Variants in TPR observed in about 807,000 individuals in gnomAD.
TPR encodes the protein nucleoprotein TPR.
A neutral mutation model predicts 316.1 loss-of-function variants in TPR; 51 were observed. That is an observed-to-expected ratio of 0.16 (90% CI 0.13 to 0.20). TPR has a LOEUF of 0.20. Ranked by LOEUF, TPR falls within the 10% of genes least tolerant of loss-of-function variation. TPR has a pLI of 1.00. For synonymous variants in TPR, 981 were observed against 914.7 expected, an observed-to-expected ratio of 1.07 and a Z score of -1.31; for missense variants, 2,272 against 2,754.8, an observed-to-expected ratio of 0.82 and a Z score of 3.92.
intron 41 of TPR, 95 bp from the exon 42 acceptor site, chr1:186,325,949 CAAAT>C: frequency 6.4e-7 from 1 of 1,555,598 alleles, no homozygotes; most frequent in Non-Finnish European, 8.7e-7. Context: ...ACAACAAAAA[CAAAT>C]AAGTAACCAT....
At chr1:186,373,178 TTC>T (rs1659584888) in intron 2 of TPR, among the ~76,000 whole-genome samples, 179 bp downstream of exon 2, 1 of 152,240 alleles carries the variant, frequency 6.6e-6, no homozygotes, top group Non-Finnish European at 1.5e-5. Context: ...GACCATTAAA[TTC>T]TGTGTTCTCA....
rs1490789056 is a variant in TPR at position 186,350,299 on chromosome 1, T to A, written c.2700A>T (p.Glu900Asp). Residue 900 changes from glutamate (E) to aspartate (D), a missense_variant, in exon 21 of 51, where the codon GAA (glutamate) becomes GAT (aspartate). Glu to Asp is a conservative substitution (Grantham distance 45). Transcript: ENST00000367478. ...TGAGGTGCTGTTTCAATGTGGCAAT[T>A]TCTTTTTGAGCATTTTTTAATAGTT... ...TKELLKNAQK[E>D]IATLKQHLSN... is the part of the protein sequence containing the mutation. 6.2e-6 allele frequency: 10 copies of A among 1,613,756 alleles called. No homozygotes were observed. The highest frequency in any genetic ancestry group is 8.5e-6 in the Non-Finnish European group (10 of 1,179,912).
At chr1:186,332,877 G>C (rs1266917795) in intron 37 of TPR, among the ~76,000 whole-genome samples, 2 of 152,054 alleles carry the variant, frequency 1.3e-5, no homozygotes, top group East Asian at 3.8e-4. Flanking sequence ...ATTTAAAATA[G>C]TCATATTCAG....
chr1:186,361,507 A>G, intron 9 of TPR, 115 bp downstream of exon 9: 1 of 975,952 alleles, frequency 1.0e-6, no homozygotes, highest in Non-Finnish European at 1.5e-6. Context: ...TCTGTACCTA[A>G]TTCTGTCCCA....
rs1342319114 is a variant in TPR at position 186,312,350 on chromosome 1, C to T, written c.*1621G>A. 4.4e-6 allele frequency: 7 copies of T among 1,608,436 alleles called. No homozygotes were observed. Among genetic ancestry groups the T allele is most frequent in the Non-Finnish European group, 3.4e-6 (4 of 1,178,254 alleles). On this transcript the variant is annotated 3_prime_UTR_variant, in exon 51 of 51. Coordinates refer to ENST00000367478, the MANE Select transcript of TPR (RefSeq NM_003292.3). ...CCATCAGAATTCAATATTCACCTGC[C>T]AGACTGGCTTATCAAGACAAAGGTA... is the stretch of plus-strand genomic sequence containing the variant.
At position 186,353,746 on chromosome 1, in the gene TPR, A is replaced by C; in HGVS notation, c.2276T>G (p.Ile759Ser). The change falls in exon 18 of 51, where the codon ATT becomes AGT. Residue 759 changes from isoleucine to serine, a missense_variant. Transcript: ENST00000367478. ...CAAATCTTGAGTCATCGTATTGATA[A>C]TCTGTTCTTGCTTTTGAGTTGTGGC... Reference protein sequence around the residue: ...LTATTQKQEQIINTMTQDLRG... With the variant: ...LTATTQKQEQSINTMTQDLRG... The C allele has an allele frequency of 6.2e-7, 1 of 1,614,040 alleles. No individual in the cohort carries two copies. The highest frequency in any genetic ancestry group is 8.5e-7 in the Non-Finnish European group (1 of 1,179,992).
chr1:186,323,638 A>G, intron 43 of TPR, 48 bp downstream of exon 43: 1 of 1,407,144 alleles, frequency 7.1e-7, no homozygotes, highest in Non-Finnish European at 9.3e-7. Context: ...GAGAAAAGCC[A>G]AGATTTTTTT....
chr1:186,331,657 C>T, intron 38 of TPR, 76 bp from the exon 39 acceptor site: 2 of 962,868 alleles, frequency 2.1e-6, no homozygotes, highest in Non-Finnish European at 2.9e-6. Context: ...TTAGTTCTCT[C>T]ATTTGAAAAA....
intron 49 of TPR, 63 bp downstream of exon 49, chr1:186,317,419 C>T: frequency 8.2e-7 from 1 of 1,214,694 alleles, no homozygotes; most frequent in Non-Finnish European, 1.2e-6. Flanking sequence ...ACTAATAAAG[C>T]AGTGTTTTCA....
chr1:186,338,201 A>G lies in TPR; in HGVS notation c.4194T>C (p.Ser1398=). ...TTACTTTATTTAGATCTTCCTTCAG[A>G]CTCTGAATTAAGTTCTGGTTGTTAG... ...SLTNNQNLIQ[S]LKEDLNKVRT... is the part of the protein sequence containing the mutation. The change falls in exon 31 of 51, where the codon AGT becomes AGC. Residue 1398 remains serine (S), a synonymous_variant. Coordinates refer to ENST00000367478, the MANE Select transcript of TPR (RefSeq NM_003292.3). The G allele has an allele frequency of 6.2e-7, 1 of 1,612,572 alleles. No homozygotes were observed. Among genetic ancestry groups the G allele is most frequent in the Non-Finnish European group, 8.5e-7 (1 of 1,179,450 alleles).
rs1658816854 is a variant in TPR, at chr1:186,350,143, C to G, written c.2776+80G>C. 2.4e-6 allele frequency: 3 copies of G among 1,261,270 alleles called. 1 individual carries two copies. Among genetic ancestry groups the G allele is most frequent in the South Asian group, 3.5e-5 (2 of 56,848 alleles). The allele number at this position is 1,261,270 out of a possible 1,614,324, so 78.1% of individuals were successfully genotyped here. ...TTACTAGCATTCACAAAGAATTAGGCTATTTACTGACAGGATATATTATAA... is the reference window on the plus strand; with the variant it reads ...TTACTAGCATTCACAAAGAATTAGGGTATTTACTGACAGGATATATTATAA... On this transcript the variant is annotated intron_variant, in intron 21 of 50. Transcript: ENST00000367478.
rs765431469 is a variant in TPR, at chr1:186,335,677, TC to T, written c.4706-135del. On this transcript the variant is annotated intron_variant, in intron 33 of 50. Transcript: ENST00000367478. ...TACATTAGTTATGATACATCATACA[TC>T]TCAATGAGCAAAGTTCTAAGTACAT... The T allele has an allele frequency of 3.2e-5, 18 of 565,888 alleles. 1 individual carries two copies. Among genetic ancestry groups the T allele is most frequent in the Admixed American group, 1.8e-4 (5 of 27,096 alleles). The allele number at this position is 565,888 out of a possible 1,614,324, so 35.1% of individuals were successfully genotyped here.
Position 186,313,599 on chromosome 1 carries a change from A to G in TPR, c.*372T>C. ...ATTAAAATGATAAACATTGTCTTTGAGCATAATAGTCAACATAAGTTATTT... is the reference window on the plus strand; with the variant it reads ...ATTAAAATGATAAACATTGTCTTTGGGCATAATAGTCAACATAAGTTATTT... On this transcript the variant is annotated 3_prime_UTR_variant, in exon 51 of 51. Coordinates refer to ENST00000367478, the MANE Select transcript of TPR (RefSeq NM_003292.3). The G allele has an allele frequency of 1.2e-6, 1 of 823,506 alleles. No homozygotes were observed. The highest frequency in any genetic ancestry group is 1.4e-5 in the South Asian group (1 of 71,772). The allele number at this position is 823,506 out of a possible 1,614,324, so 51.0% of individuals were successfully genotyped here. A position where few individuals can be genotyped will look rare whatever the true frequency, so the allele number is the denominator to read the frequency against.
chr1:186,314,987 C>T (rs1325826013), intron 49 of TPR, among the ~76,000 whole-genome samples: 2 of 151,702 alleles, frequency 1.3e-5, no homozygotes, highest in South Asian at 2.1e-4. Context: ...GGCAACACAG[C>T]GAGACCCTGT....
In TPR at chr1:186,333,192, T is replaced by C; in HGVS notation, c.5385A>G (p.Ser1795=). 1 of 1,613,616 alleles carries C rather than the reference T, an allele frequency of 6.2e-7. No homozygotes were observed. The change falls in exon 37 of 51, where the codon TCA becomes TCG. Residue 1795 remains serine (S), a synonymous_variant. Coordinates refer to ENST00000367478, the MANE Select transcript of TPR (RefSeq NM_003292.3). The stretch of plus-strand genomic sequence containing the variant: ...AACTCTGAACAACCTCTACTATGTT[T>C]GAAGATAACTCTTGATTGGCAGGCT... ...QIEPANQELS[S]NIVEVVQSSP...
chr1:186,331,451 A>C (rs867797260), intron 39 of TPR, 47 bp downstream of exon 39: 7 of 1,370,366 alleles, frequency 5.1e-6, no homozygotes, highest in Non-Finnish European at 7.1e-6. Flanking sequence ...AGCTAATTTC[A>C]TTCACGAAAA....
intron 33 of TPR, 42 bp downstream of exon 33, chr1:186,336,454 T>C (rs1390735796): frequency 7.5e-6 from 12 of 1,598,008 alleles, no homozygotes; most frequent in African/African-American, 2.7e-5. Flanking sequence ...CAACACATAA[T>C]CAACTTTCAC....
At chr1:186,323,573 T>C (rs1035447169) in intron 43 of TPR, 113 bp downstream of exon 43, 6 of 995,710 alleles carry the variant, frequency 6.0e-6, no homozygotes, top group Non-Finnish European at 8.3e-6. Context: ...AAAAAGTTCA[T>C]GGGATTGCTA....
chr1:186,322,575 C>A lies in TPR; in HGVS notation c.6309G>T (p.Met2103Ile). Residue 2103 changes from methionine to isoleucine, a missense_variant, in exon 44 of 51, where the codon ATG becomes ATT. Transcript: ENST00000367478. ...ELGPPVQRIQMTRRQSVGRGL... is the reference protein window; with the variant it reads ...ELGPPVQRIQITRRQSVGRGL... The stretch of plus-strand genomic sequence containing the variant: ...CACGTCCTACAGACTGCCTTCGGGT[C>A]ATCTGAATTCTCTGCGTGTCAAGAT... 1 of 1,613,984 alleles carries A rather than the reference C, an allele frequency of 6.2e-7. No homozygotes were observed. Among genetic ancestry groups the A allele is most frequent in the South Asian group, 1.1e-5 (1 of 91,044 alleles).
Sources: allele counts gnomAD v4.1 joint callset (sites outside exome capture counted in the v4.1 genomes callset), GRCh38; gene constraint gnomAD v4.1.1; transcripts MANE v1.5; gene names NCBI Gene and HGNC (gene_info 2026-07-23, HGNC 2026-07-21).